The following ATF7IP variants were observed in gnomAD, a reference collection of about 807,000 sequenced individuals.
ATF7IP encodes activating transcription factor 7-interacting protein 1.
Under a neutral mutation model 106.4 loss-of-function variants are expected in ATF7IP, and 23 were observed. The ratio of observed to expected loss-of-function variants is 0.22; its 90% CI spans 0.16 to 0.31. The LOEUF (loss-of-function observed/expected upper bound fraction) is 0.31, where lower values mean the gene tolerates loss of function less well. Ranked by LOEUF, ATF7IP falls within the 10% of genes least tolerant of loss-of-function variation. The pLI is 1.00. For missense variants in ATF7IP, 1,334 were observed against 1,524.3 expected, an observed-to-expected ratio of 0.88 and a Z score of 2.08; for synonymous variants, 542 against 539.0, an observed-to-expected ratio of 1.01 and a Z score of -0.08.
chr12:14,417,904 G>A (rs1941286132), intron 1 of ATF7IP, among the ~76,000 whole-genome samples: 1 of 152,110 alleles, frequency 6.6e-6, no homozygotes, highest in Non-Finnish European at 1.5e-5. Context: ...CTGCTGATTG[G>A]CTGAGTTTGT....
At chr12:14,413,258 T>C (rs556263423) in intron 1 of ATF7IP, among the ~76,000 whole-genome samples, 8 of 152,204 alleles carry the variant, frequency 5.3e-5, no homozygotes, top group Non-Finnish European at 1.2e-4. Flanking sequence ...CTGCTCTTAA[T>C]TGCTATGTTA....
At chr12:14,463,898 A>G (rs1419472666) in intron 9 of ATF7IP, among the ~76,000 whole-genome samples, 2 of 152,230 alleles carry the variant, frequency 1.3e-5, no homozygotes, top group Admixed American at 6.5e-5. Flanking sequence ...ACATTGTTAA[A>G]TGCTGTTCCA....
chr12:14,440,236 C>A (rs527441179), intron 5 of ATF7IP, among the ~76,000 whole-genome samples: 95 of 152,164 alleles, frequency 6.2e-4, no homozygotes, highest in Non-Finnish European at 5.6e-4. Context: ...CCATCATTAC[C>A]CAATTCCTTG....
chr12:14,380,895 C>T (rs547962195), intron 1 of ATF7IP, among the ~76,000 whole-genome samples: 13 of 152,238 alleles, frequency 8.5e-5, no homozygotes, highest in Non-Finnish European at 1.6e-4. Context: ...GCTGGGATTA[C>T]AGGCATGAGC....
rs117072260 is a variant in ATF7IP at position 14,452,615 on chromosome 12, A to G, written c.1996-3946A>G. Among the ~76,000 whole-genome samples the G allele has an allele frequency of 1.4e-4, 22 of 152,284 alleles. No homozygotes were observed. In the East Asian group the frequency reaches 3.7e-3, roughly 25 times the overall value. On this transcript the variant is annotated intron_variant, in intron 6 of 14. Transcript: ENST00000261168. ...TTTAATCATATAAGAGCGCTAGTCT[A>G]TATCTGCCTCACTATGACTTGATGT...
chr12:14,388,984 G>A (rs1159344498), intron 1 of ATF7IP, among the ~76,000 whole-genome samples: 1 of 152,122 alleles, frequency 6.6e-6, no homozygotes, highest in Non-Finnish European at 1.5e-5. Flanking sequence ...ATAAAATGGG[G>A]GAAATTTCCT....
chr12:14,439,249 C>G (rs1377575755), intron 5 of ATF7IP, among the ~76,000 whole-genome samples: 7 of 152,060 alleles, frequency 4.6e-5, no homozygotes, highest in Non-Finnish European at 7.4e-5. Flanking sequence ...GAGCATATCC[C>G]AAAGATGCTG....
intron 1 of ATF7IP, among the ~76,000 whole-genome samples, chr12:14,399,768 C>T (rs1237067255): frequency 6.6e-6 from 1 of 152,046 alleles, no homozygotes; most frequent in Non-Finnish European, 1.5e-5. Flanking sequence ...TCTGTTTATT[C>T]TCCTACTAAT....
At chr12:14,453,883 C>T (rs1943308761) in intron 6 of ATF7IP, among the ~76,000 whole-genome samples, 1 of 152,154 alleles carries the variant, frequency 6.6e-6, no homozygotes, top group Admixed American at 6.5e-5. Context: ...CCTCGGCCTC[C>T]CAAAGTGCTG....
intron 10 of ATF7IP, among the ~76,000 whole-genome samples, chr12:14,470,844 A>G (rs1371156272): frequency 6.6e-6 from 1 of 152,224 alleles, no homozygotes; most frequent in African/African-American, 2.4e-5. Flanking sequence ...AGTATATGAT[A>G]ATAAATTGTA....
intron 1 of ATF7IP, among the ~76,000 whole-genome samples, chr12:14,406,600 A>T (rs891624652): frequency 4.6e-5 from 7 of 151,334 alleles, no homozygotes; most frequent in Non-Finnish European, 8.8e-5. Flanking sequence ...TTTAAAAAAA[A>T]AAAAAGTAAA....
intron 2 of ATF7IP, 113 bp downstream of exon 2, chr12:14,425,586 G>T (rs1479674302): frequency 2.0e-6 from 2 of 1,006,042 alleles, no homozygotes; most frequent in Non-Finnish European, 2.8e-6. Context: ...GTTGAGAATG[G>T]TGATGACTCT....
chr12:14,421,040 G>T (rs1485095791), intron 1 of ATF7IP, among the ~76,000 whole-genome samples: 1 of 152,148 alleles, frequency 6.6e-6, no homozygotes, highest in South Asian at 2.1e-4. Context: ...ACATCCTTGT[G>T]CTCTTTTGTT....
chr12:14,498,146 AC>A lies in ATF7IP; in HGVS notation c.*77del. On this transcript the variant is annotated 3_prime_UTR_variant, in exon 15 of 15. Coordinates refer to ENST00000261168, the MANE Select transcript of ATF7IP (RefSeq NM_018179.5). ...TCTTGTTTTTAATCTTGTGCATGAT[AC>A]CCCATGTAAAATCCACCTTGTGCAA... 7.2e-7 allele frequency: 1 copy of A among 1,392,186 alleles called. No homozygotes were observed. The highest frequency in any genetic ancestry group is 2.3e-5 in the East Asian group (1 of 43,316). 86.2% of individuals were successfully genotyped at this position (1,392,186 alleles called of 1,614,324 possible).
At chr12:14,381,379 C>T (rs1461510726) in intron 1 of ATF7IP, among the ~76,000 whole-genome samples, 1 of 151,912 alleles carries the variant, frequency 6.6e-6, no homozygotes, top group Non-Finnish European at 1.5e-5. Flanking sequence ...ACTACAGGTG[C>T]GCCACCATGC....
intron 13 of ATF7IP, chr12:14,481,455 T>C: frequency 3.0e-6 from 1 of 337,862 alleles, no homozygotes; most frequent in Non-Finnish European, 4.9e-6. Context: ...ATCATGCATA[T>C]GTCAGCTAGA....
At chr12:14,446,171 A>G (rs959072266) in intron 5 of ATF7IP, among the ~76,000 whole-genome samples, 3 of 151,668 alleles carry the variant, frequency 2.0e-5, no homozygotes, top group Non-Finnish European at 2.9e-5. Context: ...TTTTTGAGAC[A>G]GAGTCTAACT....
At chr12:14,410,183 C>T (rs1297672947) in intron 1 of ATF7IP, among the ~76,000 whole-genome samples, 2 of 152,162 alleles carry the variant, frequency 1.3e-5, no homozygotes, top group African/African-American at 4.8e-5. Flanking sequence ...GTCCCCCCTT[C>T]TCCACAGTTT....
At chr12:14,447,890 C>A (rs1379791640) in intron 6 of ATF7IP, among the ~76,000 whole-genome samples, 1 of 152,032 alleles carries the variant, frequency 6.6e-6, no homozygotes, top group African/African-American at 2.4e-5. Context: ...CCAAACATAG[C>A]ATAAATTGAC....
Sources: allele counts gnomAD v4.1 joint callset (sites outside exome capture counted in the v4.1 genomes callset), GRCh38; gene constraint gnomAD v4.1.1; transcripts MANE v1.5; gene names NCBI Gene and HGNC (gene_info 2026-07-23, HGNC 2026-07-21).